ME1: variants seen among roughly 807,000 people sequenced by gnomAD.
ME1 encodes the protein malic enzyme 1, also known as NADP-dependent malic enzyme.
Under a neutral mutation model 66.4 loss-of-function variants are expected in ME1, and 74 were observed. That is an observed-to-expected ratio of 1.11 (90% CI 0.92 to 1.35). The LOEUF (loss-of-function observed/expected upper bound fraction) is 1.35. ME1 is among the 40% of genes most tolerant of loss of function. ME1 has a pLI of 0.00. For missense variants in ME1, 750 were observed against 694.1 expected (o/e 1.08, Z -0.90); for synonymous variants, 251 against 235.6 (o/e 1.07, Z -0.60).
At chr6:83,294,407 A>C (rs1422103848) in intron 6 of ME1, among the ~76,000 whole-genome samples, 1 of 152,056 alleles carries the variant, frequency 6.6e-6, no homozygotes, top group Non-Finnish European at 1.5e-5. Context: ...CCACCTAATA[A>C]ATATTCTATC....
At chr6:83,296,467 T>C (rs1767599996) in intron 6 of ME1, among the ~76,000 whole-genome samples, 2 of 152,210 alleles carry the variant, frequency 1.3e-5, no homozygotes, top group African/African-American at 2.4e-5. Flanking sequence ...AAATTCAACA[T>C]CCCTTTCTGT....
At chr6:83,385,777 C>T (rs1769492915) in intron 3 of ME1, among the ~76,000 whole-genome samples, 1 of 151,700 alleles carries the variant, frequency 6.6e-6, no homozygotes, top group Non-Finnish European at 1.5e-5. Flanking sequence ...ACTGAATTTC[C>T]AGTACTTAAG....
rs1345680274 is a variant in ME1, at chr6:83,349,009, CAAAAAA to C, written c.439-2681_439-2676del. The stretch of plus-strand genomic sequence containing the variant: ...CAAAAAAAAAAAAAAAAACAAAAAA[CAAAAAA>C]CAGTGCATTCTTTCTTATTTCTTCA... On this transcript the variant is annotated intron_variant, in intron 4 of 13. Coordinates refer to ENST00000369705, the MANE Select transcript of ME1 (RefSeq NM_002395.6). Among the ~76,000 whole-genome samples, 671 of 124,428 alleles carry C rather than the reference CAAAAAA, an allele frequency of 5.4e-3. 13 individuals carry two copies. Among genetic ancestry groups the C allele is most frequent in the African/African-American group, 0.014 (420 of 30,294 alleles). The allele number at this position is 124,428 out of a possible 152,430, so 81.6% of individuals were successfully genotyped here.
chr6:83,342,362 A>G (rs1243095270), intron 5 of ME1, among the ~76,000 whole-genome samples: 1 of 152,158 alleles, frequency 6.6e-6, no homozygotes, highest in Non-Finnish European at 1.5e-5. Context: ...AAGAGTATAT[A>G]ATAACTGTCA....
At chr6:83,271,431 AT>A (rs367550673) in intron 6 of ME1, among the ~76,000 whole-genome samples, 13 of 152,222 alleles carry the variant, frequency 8.5e-5, no homozygotes, top group African/African-American at 3.1e-4. Flanking sequence ...GTTTTTTGAA[AT>A]TTGGCAATGT....
chr6:83,372,376 A>C (rs1769206720), intron 3 of ME1, among the ~76,000 whole-genome samples: 1 of 152,282 alleles, frequency 6.6e-6, no homozygotes, highest in Admixed American at 6.5e-5. Context: ...CTAGGACAAC[A>C]AAAGCATCAA....
At chr6:83,295,586 T>C (rs537119555) in intron 6 of ME1, among the ~76,000 whole-genome samples, 2 of 152,116 alleles carry the variant, frequency 1.3e-5, no homozygotes, top group African/African-American at 2.4e-5. Context: ...CTCAGATCAC[T>C]GCAACCTCTG....
intron 5 of ME1, 104 bp from the exon 6 acceptor site, chr6:83,315,517 TC>T: frequency 1.5e-6 from 1 of 679,206 alleles, no homozygotes; most frequent in Non-Finnish European, 2.6e-6. Context: ...AGAAATAAAA[TC>T]TTACCATACT....
chr6:83,307,374 C>T (rs1326382402), intron 6 of ME1, among the ~76,000 whole-genome samples: 2 of 152,010 alleles, frequency 1.3e-5, no homozygotes, highest in African/African-American at 4.8e-5. Context: ...GTCATGTTCC[C>T]TAGTAACATG....
intron 5 of ME1, among the ~76,000 whole-genome samples, chr6:83,317,750 C>T (rs1377926547): frequency 1.3e-5 from 2 of 152,076 alleles, no homozygotes; most frequent in African/African-American, 2.4e-5. Context: ...AGATTCAATG[C>T]CATCCCCATC....
At chr6:83,316,504 G>A (rs76874470) in intron 5 of ME1, among the ~76,000 whole-genome samples, 1,620 of 151,940 alleles carry the variant, frequency 0.011, 15 homozygotes, top group Non-Finnish European at 0.014. Context: ...CTTCACTTAC[G>A]ATAGGGAACA....
At chr6:83,385,673 T>A (rs1769491221) in intron 3 of ME1, among the ~76,000 whole-genome samples, 1 of 151,892 alleles carries the variant, frequency 6.6e-6, no homozygotes, top group East Asian at 1.9e-4. Flanking sequence ...GTTAGAAACA[T>A]GTCTACATTT....
intron 6 of ME1, among the ~76,000 whole-genome samples, chr6:83,271,730 A>G (rs1228637020): frequency 1.3e-5 from 2 of 152,220 alleles, no homozygotes; most frequent in Non-Finnish European, 2.9e-5. Context: ...CAAAATATTA[A>G]GTATGGGACA....
chr6:83,363,799 T>C (rs184521110), intron 3 of ME1, among the ~76,000 whole-genome samples: 99 of 152,370 alleles, frequency 6.5e-4, no homozygotes, highest in Admixed American at 1.3e-3. Flanking sequence ...TCCTTTATCA[T>C]GTGACATAAG....
intron 4 of ME1, among the ~76,000 whole-genome samples, chr6:83,350,572 C>T (rs1768780000): frequency 6.6e-6 from 1 of 151,914 alleles, no homozygotes; most frequent in Admixed American, 6.6e-5. Context: ...CTCAAGTGAT[C>T]CTCCCACCTC....
chr6:83,323,510 C>CA (rs70987748), intron 5 of ME1, among the ~76,000 whole-genome samples: 9,226 of 147,686 alleles, frequency 0.062, 514 homozygotes, highest in African/African-American at 0.15. Flanking sequence ...AAACAAAAAA[C>CA]AAAAAAAAAA....
chr6:83,283,353 TA>T (rs1308671748), intron 6 of ME1, among the ~76,000 whole-genome samples: 1 of 150,574 alleles, frequency 6.6e-6, no homozygotes, highest in Non-Finnish European at 1.5e-5. Flanking sequence ...TTCTCACTCA[TA>T]AGTGGGAAAT....
chr6:83,232,191 C>G (rs1178461679), intron 9 of ME1, among the ~76,000 whole-genome samples: 1 of 152,162 alleles, frequency 6.6e-6, no homozygotes, highest in African/African-American at 2.4e-5. Context: ...CTACCTACCC[C>G]CAATTTACTG....
At chr6:83,262,702 ATGACCAG>A (rs1381820407) in intron 6 of ME1, among the ~76,000 whole-genome samples, 2 of 152,212 alleles carry the variant, frequency 1.3e-5, no homozygotes, top group African/African-American at 2.4e-5. Flanking sequence ...GCAATAACTA[ATGACCAG>A]GAAGGTTAAA....
Sources: allele counts gnomAD v4.1 joint callset (sites outside exome capture counted in the v4.1 genomes callset), GRCh38; gene constraint gnomAD v4.1.1; transcripts MANE v1.5; gene names NCBI Gene and HGNC (gene_info 2026-07-23, HGNC 2026-07-21).